The following AKAP6 variants were observed in gnomAD, a reference collection of about 807,000 sequenced individuals.
AKAP6 encodes the protein A-kinase anchoring protein 6.
Under a neutral mutation model 188.5 loss-of-function variants are expected in AKAP6, and 58 were observed. The ratio of observed to expected loss-of-function variants is 0.31; its 90% CI spans 0.25 to 0.38. AKAP6 has a LOEUF of 0.38. Among genes scored for constraint, AKAP6 ranks in the 10% least tolerant of loss-of-function variants. AKAP6 has a pLI of 1.00. For missense variants in AKAP6, 2,710 were observed against 2,740.0 expected (o/e 0.99, Z 0.24); for synonymous variants, 989 against 998.6 (o/e 0.99, Z 0.18).
At chr14:32,407,958 G>A (rs1889352309) in intron 1 of AKAP6, among the ~76,000 whole-genome samples, 1 of 152,154 alleles carries the variant, frequency 6.6e-6, no homozygotes, top group African/African-American at 2.4e-5. Context: ...AACTGCAGAT[G>A]GTGTTTATTG....
At chr14:32,490,268 GGCTTA>G (rs1464899240) in intron 2 of AKAP6, among the ~76,000 whole-genome samples, 2 of 152,014 alleles carry the variant, frequency 1.3e-5, no homozygotes, top group African/African-American at 2.4e-5. Flanking sequence ...AGGATATGAT[GGCTTA>G]GCTCGGGCTC....
chr14:32,803,711 T>C (rs1012219716), intron 12 of AKAP6, among the ~76,000 whole-genome samples: 2 of 152,214 alleles, frequency 1.3e-5, no homozygotes, highest in Non-Finnish European at 2.9e-5. Flanking sequence ...CTCTAGGCAA[T>C]CTCACTCATG....
At position 32,356,959 on chromosome 14, in the gene AKAP6, C is replaced by T. The variant is rs577488506; in HGVS notation, c.-35+27551C>T. Among the ~76,000 whole-genome samples the T allele has an allele frequency of 2.0e-5, 3 of 152,112 alleles. No homozygotes were observed. The East Asian group carries it at 5.8e-4, about 29-fold the overall frequency. Reference sequence around the variant, plus strand: ...TTCCCATGCTTGCACCGGACATATGCCTCTAGTAAAATTCATATTACAGTG... The same window carrying T: ...TTCCCATGCTTGCACCGGACATATGTCTCTAGTAAAATTCATATTACAGTG... On this transcript the variant is annotated intron_variant, in intron 1 of 13. Transcript: ENST00000280979.
chr14:32,806,323 A>G (rs540510744), intron 12 of AKAP6, among the ~76,000 whole-genome samples: 2 of 152,372 alleles, frequency 1.3e-5, no homozygotes, highest in South Asian at 4.1e-4. Context: ...GATACTTGAT[A>G]GGTGAGTCTG....
intron 7 of AKAP6, among the ~76,000 whole-genome samples, chr14:32,654,642 T>C (rs370598182): frequency 3.2e-4 from 48 of 149,852 alleles, no homozygotes; most frequent in African/African-American, 1.1e-3. Flanking sequence ...ACTCAGGAGT[T>C]CAAGACCAGC....
Position 32,678,429 on chromosome 14 carries a change from T to C in AKAP6, c.2849T>C (p.Met950Thr). ...AAGCGAAAGGAAGAGTTTGCTGATA[T>C]GTCAAAAGTTCATTCAGTGGGAAGC... ...SSKRKEEFADMSKVHSVGSNG... is the reference protein window; with the variant it reads ...SSKRKEEFADTSKVHSVGSNG... Residue 950 changes from methionine (M) to threonine (T), a missense_variant, in exon 8 of 14, where the codon ATG becomes ACG. Met to Thr is a moderately conservative substitution (Grantham distance 81, BLOSUM62 -1). Transcript: ENST00000280979. 4 of 1,613,948 alleles carry C rather than the reference T, an allele frequency of 2.5e-6. No individual in the cohort carries two copies. The highest frequency in any genetic ancestry group is 2.5e-6 in the Non-Finnish European group (3 of 1,179,868).
chr14:32,653,454 C>T (rs8020398), intron 7 of AKAP6, among the ~76,000 whole-genome samples: 29 of 152,022 alleles, frequency 1.9e-4, no homozygotes, highest in African/African-American at 6.3e-4. Context: ...GACACCTCCC[C>T]TCCCCTCACT....
At chr14:32,551,642 TTTTGTTTGTTTG>T (rs71115084) in intron 4 of AKAP6, among the ~76,000 whole-genome samples, 8 of 148,842 alleles carry the variant, frequency 5.4e-5, no homozygotes, top group Admixed American at 1.3e-4. Context: ...ATTCTGTAAT[TTTTGTTTGTTTG>T]TTTGTTTGTT....
At chr14:32,796,425 A>G (rs2033770688) in intron 12 of AKAP6, among the ~76,000 whole-genome samples, 1 of 152,194 alleles carries the variant, frequency 6.6e-6, no homozygotes, top group Non-Finnish European at 1.5e-5. Context: ...TACTGGTACA[A>G]GAACAGACAC....
chr14:32,514,625 A>G (rs971393597), intron 2 of AKAP6, among the ~76,000 whole-genome samples: 2 of 152,172 alleles, frequency 1.3e-5, no homozygotes, highest in African/African-American at 4.8e-5. Context: ...CAGAATTTCA[A>G]TGGAGTTACT....
At chr14:32,596,703 GA>G (rs1885717702) in intron 5 of AKAP6, among the ~76,000 whole-genome samples, 1 of 152,156 alleles carries the variant, frequency 6.6e-6, no homozygotes, top group African/African-American at 2.4e-5. Context: ...GAGTGCTATG[GA>G]TATTGCAGAG....
intron 5 of AKAP6, among the ~76,000 whole-genome samples, chr14:32,581,042 A>G (rs1884945215): frequency 6.6e-6 from 1 of 152,162 alleles, no homozygotes; most frequent in Admixed American, 6.5e-5. Context: ...TAGCAGCATG[A>G]TTTAAAGTCC....
rs2034611430 is a variant in AKAP6 at position 32,824,155 on chromosome 14, T to C, written c.6342T>C (p.Ser2114=). 1.9e-6 allele frequency: 3 copies of C among 1,613,942 alleles called. No homozygotes were observed. The highest frequency in any genetic ancestry group is 2.5e-6 in the Non-Finnish European group (3 of 1,179,916). ...AAGGGGACTTTTATTCGTACTTATC[T>C]CTCTCATCTCATGACAGTGATTGTG... ...LRKGDFYSYL[S]LSSHDSDCGE... The change falls in exon 13 of 14, where the codon TCT becomes TCC. Residue 2114 remains serine (S), a synonymous_variant. Coordinates refer to ENST00000280979, the MANE Select transcript of AKAP6 (RefSeq NM_004274.5).
intron 1 of AKAP6, among the ~76,000 whole-genome samples, chr14:32,394,707 C>T (rs1323166981): frequency 6.6e-6 from 1 of 152,088 alleles, no homozygotes; most frequent in Non-Finnish European, 1.5e-5. Flanking sequence ...TCTGTTTTTA[C>T]TGGGGTGACC....
intron 4 of AKAP6, among the ~76,000 whole-genome samples, chr14:32,552,409 G>C (rs138630623): frequency 7.2e-4 from 110 of 152,192 alleles, no homozygotes; most frequent in African/African-American, 2.4e-3. Flanking sequence ...CCAGTTGTGG[G>C]GATCAGAAGG....
intron 9 of AKAP6, among the ~76,000 whole-genome samples, chr14:32,712,989 C>T (rs940535487): frequency 5.9e-5 from 9 of 151,954 alleles, no homozygotes; most frequent in African/African-American, 2.2e-4. Flanking sequence ...CAGCTATAGC[C>T]GTACAAAATG....
chr14:32,800,175 C>CAT (rs71115098), intron 12 of AKAP6, among the ~76,000 whole-genome samples: 45 of 142,590 alleles, frequency 3.2e-4, no homozygotes, highest in Non-Finnish European at 5.0e-4. Flanking sequence ...CATATATATA[C>CAT]ATATATATAT....
intron 12 of AKAP6, among the ~76,000 whole-genome samples, chr14:32,816,899 C>G (rs1331382936): frequency 6.6e-6 from 1 of 152,088 alleles, no homozygotes; most frequent in Non-Finnish European, 1.5e-5. Flanking sequence ...CTAGAATAAA[C>G]AGGGGGAGCA....
chr14:32,552,428 G>T (rs1310133033), intron 4 of AKAP6, among the ~76,000 whole-genome samples: 1 of 152,112 alleles, frequency 6.6e-6, no homozygotes, highest in Non-Finnish European at 1.5e-5. Context: ...GGGACAGAAA[G>T]AATTCTTGGG....
Sources: allele counts gnomAD v4.1 joint callset (sites outside exome capture counted in the v4.1 genomes callset), GRCh38; gene constraint gnomAD v4.1.1; transcripts MANE v1.5; gene names NCBI Gene and HGNC (gene_info 2026-07-23, HGNC 2026-07-21).